The following CCDC3 variants were observed in gnomAD, a reference collection of about 807,000 sequenced individuals.
CCDC3 encodes the protein coiled-coil domain containing 3.
CCDC3 carries 24 observed loss-of-function variants against 21.4 expected under a neutral mutation model. The ratio of observed to expected loss-of-function variants is 1.12; its 90% CI spans 0.81 to 1.58. The LOEUF (loss-of-function observed/expected upper bound fraction) is 1.58. CCDC3 is among the 40% of genes most tolerant of loss of function. The pLI is 0.00. For missense variants in CCDC3, 425 were observed against 360.9 expected, an observed-to-expected ratio of 1.18 and a Z score of -1.44; for synonymous variants, 186 against 166.0, an observed-to-expected ratio of 1.12 and a Z score of -0.93.
intron 4 of CCDC3, among the ~76,000 whole-genome samples, chr10:13,069,264 T>A (rs780936664): frequency 9.2e-5 from 14 of 152,270 alleles, no homozygotes; most frequent in East Asian, 3.9e-4. Context: ...CTCAAAAAAA[T>A]AATAATAATA....
At position 13,072,393 on chromosome 10, in the gene CCDC3, C is replaced by T. The variant is rs927051908; in HGVS notation, c.-270+1475G>A. Among the ~76,000 whole-genome samples the T allele has an allele frequency of 3.3e-5, 5 of 152,152 alleles. 1 individual carries two copies. Among genetic ancestry groups the T allele is most frequent in the Non-Finnish European group, 7.3e-5 (5 of 68,042 alleles). On this transcript the variant is annotated intron_variant, in intron 4 of 6. Transcript: ENST00000378839. ...ATTCTAACCGCCGTTGGATGTACTT[C>T]TTTAGAGGGGGGAATAAGACAGCCA...
chr10:12,981,470 GCCAC>G (rs1835496277), intron 2 of CCDC3, among the ~76,000 whole-genome samples: 2 of 152,116 alleles, frequency 1.3e-5, no homozygotes, highest in Admixed American at 6.5e-5. Flanking sequence ...ACAGGCGTGA[GCCAC>G]CGTGCCCAGC....
At chr10:13,058,827 T>A (rs1428392882) in intron 4 of CCDC3, among the ~76,000 whole-genome samples, 1 of 152,180 alleles carries the variant, frequency 6.6e-6, no homozygotes, top group Non-Finnish European at 1.5e-5. Flanking sequence ...AGTTTCTAGC[T>A]TGGCACAGCT....
At chr10:13,072,451 G>A (rs1284623602) in intron 4 of CCDC3, among the ~76,000 whole-genome samples, 1 of 152,174 alleles carries the variant, frequency 6.6e-6, no homozygotes, top group African/African-American at 2.4e-5. Context: ...TGTCCCCAGA[G>A]AATCTCCGAC....
chr10:12,977,066 G>C (rs997902744), intron 2 of CCDC3, among the ~76,000 whole-genome samples: 3 of 152,162 alleles, frequency 2.0e-5, no homozygotes, highest in Admixed American at 1.3e-4. Flanking sequence ...TTGAGGTCAG[G>C]AGTTTGAGAC....
chr10:13,012,135 C>G (rs1360671461), intron 5 of CCDC3, among the ~76,000 whole-genome samples: 1 of 152,082 alleles, frequency 6.6e-6, no homozygotes. Flanking sequence ...GACATAGAAA[C>G]TGGCAAAGAT....
intron 2 of CCDC3, among the ~76,000 whole-genome samples, chr10:12,938,638 TG>T (rs1229709899): frequency 6.6e-6 from 1 of 152,232 alleles, no homozygotes; most frequent in Non-Finnish European, 1.5e-5. Context: ...TGAGTTAATG[TG>T]CAAAATACAG....
chr10:13,089,259 A>C (rs956974385), intron 3 of CCDC3, among the ~76,000 whole-genome samples: 2 of 152,270 alleles, frequency 1.3e-5, no homozygotes, highest in African/African-American at 4.8e-5. Context: ...AACACTTATG[A>C]ATATTTGTAA....
intron 2 of CCDC3, among the ~76,000 whole-genome samples, chr10:12,927,300 C>T (rs912977662): frequency 6.6e-6 from 1 of 152,172 alleles, no homozygotes; most frequent in Non-Finnish European, 1.5e-5. Context: ...CAGATACCAC[C>T]TGTAAATACT....
rs1835855490 is a variant in CCDC3 at position 13,001,543 on chromosome 10, G to A, written c.28C>T (p.Leu10Phe). The A allele has an allele frequency of 7.1e-6, 9 of 1,273,732 alleles. No homozygotes were observed. Among genetic ancestry groups the A allele is most frequent in the Non-Finnish European group, 7.9e-6 (8 of 1,011,672 alleles). The allele number at this position is 1,273,732 out of a possible 1,614,324, so 78.9% of individuals were successfully genotyped here. A position where few individuals can be genotyped will look rare whatever the true frequency, so the allele number is the denominator to read the frequency against. The change falls in exon 1 of 3, where the codon CTC becomes TTC. Residue 10 changes from leucine (L) to phenylalanine (F), a missense_variant. By Grantham distance (22) the Leu-to-Phe change is conservative (BLOSUM62 0). Transcript: ENST00000378825. ...GGCGCTGGGGGACCCGCCAGGCAGA[G>A]CGCGGCGAGCAGCAGCTGGCGCAGC... MLRQLLLAA[L>F]CLAGPPAPAR...
chr10:13,009,669 A>G (rs1487777291), intron 5 of CCDC3, among the ~76,000 whole-genome samples: 1 of 152,220 alleles, frequency 6.6e-6, no homozygotes, highest in Admixed American at 6.5e-5. Flanking sequence ...TTGGAAATTG[A>G]TTGGAAAAAG....
intron 5 of CCDC3, among the ~76,000 whole-genome samples, chr10:13,014,711 T>A (rs1332211619): frequency 6.6e-6 from 1 of 152,084 alleles, no homozygotes; most frequent in Non-Finnish European, 1.5e-5. Context: ...TTGTTGGTAC[T>A]GGGCTTGCAA....
chr10:13,060,815 T>C (rs1761794), intron 4 of CCDC3, among the ~76,000 whole-genome samples: 88,370 of 152,038 alleles, frequency 0.58, 26,497 homozygotes, highest in African/African-American at 0.73. Context: ...GTTCAAATTT[T>C]GTTTCTAAAG....
At chr10:12,956,486 C>T (rs1835087977) in intron 2 of CCDC3, among the ~76,000 whole-genome samples, 1 of 152,162 alleles carries the variant, frequency 6.6e-6, no homozygotes, top group African/African-American at 2.4e-5. Context: ...TTTTGTTCAC[C>T]CTCCTCATGG....
chr10:13,075,607 G>A (rs1836954314), intron 3 of CCDC3, among the ~76,000 whole-genome samples: 1 of 152,130 alleles, frequency 6.6e-6, no homozygotes, highest in Admixed American at 6.5e-5. Flanking sequence ...CTTGTGGGGA[G>A]GGGAGACAAG....
chr10:13,041,323 A>T (rs1479168784), intron 5 of CCDC3, among the ~76,000 whole-genome samples: 2 of 152,036 alleles, frequency 1.3e-5, no homozygotes, highest in Non-Finnish European at 2.9e-5. Context: ...ACCAATTCTT[A>T]TTTCTGGTAT....
chr10:13,090,077 A>C (rs1341117313), intron 3 of CCDC3, among the ~76,000 whole-genome samples: 4 of 93,502 alleles, frequency 4.3e-5, no homozygotes, highest in Admixed American at 2.3e-4. Flanking sequence ...ATATATATAT[A>C]TCACCGTTTC....
intron 5 of CCDC3, among the ~76,000 whole-genome samples, chr10:13,033,323 C>G (rs1189083322): frequency 1.3e-5 from 2 of 152,116 alleles, no homozygotes; most frequent in Non-Finnish European, 2.9e-5. Context: ...TTCCTTATAC[C>G]TTGTACTAAA....
intron 2 of CCDC3, among the ~76,000 whole-genome samples, chr10:12,910,923 T>C (rs1834262669): frequency 6.6e-6 from 1 of 152,214 alleles, no homozygotes; most frequent in Admixed American, 6.5e-5. Context: ...TGGAAGGCAG[T>C]ATAATTACAG....
Sources: allele counts gnomAD v4.1 joint callset (sites outside exome capture counted in the v4.1 genomes callset), GRCh38; gene constraint gnomAD v4.1.1; transcripts MANE v1.5; gene names NCBI Gene and HGNC (gene_info 2026-07-23, HGNC 2026-07-21).